SEMA5A: variants seen among roughly 807,000 people sequenced by gnomAD.
SEMA5A encodes semaphorin-5A.
SEMA5A carries 55 observed loss-of-function variants against 135.5 expected under a neutral mutation model. That is an observed-to-expected ratio of 0.41 (90% CI 0.33 to 0.51). The LOEUF is 0.51. SEMA5A is among the 20% of genes least tolerant of loss of function. SEMA5A has a pLI of 0.37. For missense variants in SEMA5A, 1,290 were observed against 1,419.9 expected, an observed-to-expected ratio of 0.91 and a Z score of 1.47; for synonymous variants, 580 against 546.5, an observed-to-expected ratio of 1.06 and a Z score of -0.85.
chr5:9,310,028 A>G (rs1752053020), intron 5 of SEMA5A, among the ~76,000 whole-genome samples: 1 of 152,148 alleles, frequency 6.6e-6, no homozygotes, highest in Non-Finnish European at 1.5e-5. Context: ...GCAATCAAAC[A>G]TTGATAAACT....
At chr5:9,259,735 T>C (rs1579732752) in intron 5 of SEMA5A, among the ~76,000 whole-genome samples, 1 of 122,082 alleles carries the variant, frequency 8.2e-6, no homozygotes, top group East Asian at 2.5e-4. Context: ...TGGGACGCAT[T>C]CAAAGCAGTG....
chr5:9,388,248 A>T (rs1755982345), intron 2 of SEMA5A, among the ~76,000 whole-genome samples: 1 of 152,190 alleles, frequency 6.6e-6, no homozygotes, highest in South Asian at 2.1e-4. Context: ...ACCTTCTTTT[A>T]TATCTCCCTT....
chr5:9,080,812 T>C (rs192813240), intron 16 of SEMA5A, among the ~76,000 whole-genome samples: 1 of 152,154 alleles, frequency 6.6e-6, no homozygotes, highest in Non-Finnish European at 1.5e-5. Flanking sequence ...GCAGCTCTGA[T>C]CTGAGGGGCC....
chr5:9,215,122 C>A (rs1806026), intron 8 of SEMA5A, among the ~76,000 whole-genome samples: 3,303 of 152,204 alleles, frequency 0.022, 127 homozygotes, highest in African/African-American at 0.074. Context: ...CAGGAGATCA[C>A]CATCCCTACC....
rs1270221195 is a variant in SEMA5A, at chr5:9,035,109, C to T, written c.*7788G>A. On this transcript the variant is annotated 3_prime_UTR_variant, in exon 23 of 23. Transcript: ENST00000382496. Reference sequence around the variant, plus strand: ...AAACTATTTACATAAAACATAAGTACAAAAAATATAATACAATTTATACTG... The same window carrying T: ...AAACTATTTACATAAAACATAAGTATAAAAAATATAATACAATTTATACTG... 1.3e-5 allele frequency: 2 copies of T among 152,478 alleles called. No homozygotes were observed. The highest frequency in any genetic ancestry group is 4.8e-5 in the African/African-American group (2 of 41,408). The allele number at this position is 152,478 out of a possible 1,614,324, so 9.4% of individuals were successfully genotyped here. A position where few individuals can be genotyped will look rare whatever the true frequency, so the allele number is the denominator to read the frequency against.
intron 16 of SEMA5A, among the ~76,000 whole-genome samples, chr5:9,076,949 T>C (rs1484853132): frequency 1.3e-5 from 2 of 151,968 alleles, no homozygotes; most frequent in African/African-American, 4.8e-5. Context: ...ATCACTTATG[T>C]CTCTTCTAAT....
At chr5:9,330,924 GCTTGT>G (rs1294512387) in intron 4 of SEMA5A, among the ~76,000 whole-genome samples, 3 of 152,174 alleles carry the variant, frequency 2.0e-5, no homozygotes, top group Non-Finnish European at 4.4e-5. Flanking sequence ...ATCACCAGCT[GCTTGT>G]CTTAAGTCAT....
At chr5:9,463,912 A>G (rs766155592) in intron 1 of SEMA5A, among the ~76,000 whole-genome samples, 1 of 152,172 alleles carries the variant, frequency 6.6e-6, no homozygotes, top group Non-Finnish European at 1.5e-5. Context: ...AACATTATCT[A>G]TGTTGTTACT....
intron 5 of SEMA5A, among the ~76,000 whole-genome samples, chr5:9,280,423 T>C (rs1415345440): frequency 6.6e-6 from 1 of 152,210 alleles, no homozygotes; most frequent in Non-Finnish European, 1.5e-5. Context: ...GAAGCACATC[T>C]GGACACAGGA....
chr5:9,298,463 G>A (rs1751447647), intron 5 of SEMA5A, among the ~76,000 whole-genome samples: 1 of 152,168 alleles, frequency 6.6e-6, no homozygotes, highest in Non-Finnish European at 1.5e-5. Flanking sequence ...AAGCCACCTA[G>A]CTTTTGTTTC....
At chr5:9,248,556 C>CAAAA (rs57718636) in intron 5 of SEMA5A, among the ~76,000 whole-genome samples, 1 of 143,980 alleles carries the variant, frequency 6.9e-6, no homozygotes, top group Non-Finnish European at 1.5e-5. Context: ...ACTCATACGG[C>CAAAA]AAAAAAAAAA....
chr5:9,362,693 G>A (rs1271119814), intron 3 of SEMA5A, among the ~76,000 whole-genome samples: 1 of 152,146 alleles, frequency 6.6e-6, no homozygotes, highest in East Asian at 1.9e-4. Context: ...CACAGTTAAT[G>A]TACTTGCCCC....
At chr5:9,520,846 A>G (rs1170069374) in intron 1 of SEMA5A, among the ~76,000 whole-genome samples, 1 of 152,240 alleles carries the variant, frequency 6.6e-6, no homozygotes, top group Non-Finnish European at 1.5e-5. Flanking sequence ...AAACTGTCAC[A>G]GCCAAGAGAA....
chr5:9,138,406 AATG>A (rs1741879378), intron 12 of SEMA5A, among the ~76,000 whole-genome samples: 1 of 152,174 alleles, frequency 6.6e-6, no homozygotes, highest in Non-Finnish European at 1.5e-5. Context: ...TTTATATAAT[AATG>A]ATATGCAATA....
At chr5:9,374,387 C>T (rs989415149) in intron 3 of SEMA5A, among the ~76,000 whole-genome samples, 4 of 152,188 alleles carry the variant, frequency 2.6e-5, no homozygotes, top group Non-Finnish European at 5.9e-5. Context: ...TCAGTAGCAT[C>T]CTATGCAGAA....
At chr5:9,393,583 T>G (rs1756259590) in intron 2 of SEMA5A, among the ~76,000 whole-genome samples, 1 of 152,174 alleles carries the variant, frequency 6.6e-6, no homozygotes, top group Non-Finnish European at 1.5e-5. Context: ...ATGAGTTAAT[T>G]TGAAAGAACT....
intron 8 of SEMA5A, among the ~76,000 whole-genome samples, chr5:9,223,349 G>T (rs1041634353): frequency 2.0e-5 from 3 of 152,168 alleles, no homozygotes; most frequent in African/African-American, 7.2e-5. Flanking sequence ...TTGAATATAT[G>T]TACACGTATC....
intron 2 of SEMA5A, among the ~76,000 whole-genome samples, chr5:9,408,445 C>T (rs1260102244): frequency 6.6e-6 from 1 of 152,190 alleles, no homozygotes; most frequent in Non-Finnish European, 1.5e-5. Flanking sequence ...AGGTTACCAA[C>T]TTATTAAGTC....
intron 16 of SEMA5A, among the ~76,000 whole-genome samples, chr5:9,101,629 G>C (rs966844616): frequency 6.6e-6 from 1 of 152,040 alleles, no homozygotes. Context: ...TTATAAAATG[G>C]TATTTTCATG....
Sources: gnomAD v4.1 joint callset for allele counts (sites outside exome capture counted in the v4.1 genomes callset) on GRCh38, gnomAD v4.1.1 for gene constraint, MANE v1.5 for transcripts, NCBI Gene and HGNC (gene_info 2026-07-23, HGNC 2026-07-21) for gene names.